CYP2A6: variants seen among roughly 807,000 people sequenced by gnomAD.
CYP2A6 encodes the protein cytochrome P450 family 2 subfamily A member 6, also known as cytochrome P450 2A6.
Under a neutral mutation model 42.3 loss-of-function variants are expected in CYP2A6, and 27 were observed. That is an observed-to-expected ratio of 0.64 (90% CI 0.47 to 0.88). The LOEUF (loss-of-function observed/expected upper bound fraction) is 0.88. Among genes scored for constraint, CYP2A6 ranks in the 40% least tolerant of loss-of-function variants. CYP2A6 has a pLI of 0.00. For synonymous variants in CYP2A6, 238 were observed against 246.3 expected, an observed-to-expected ratio of 0.97 and a Z score of 0.31; for missense variants, 628 against 646.0, an observed-to-expected ratio of 0.97 and a Z score of 0.30.
Position 40,845,994 on chromosome 19 carries a change from T to A in CYP2A6, c.935A>T (p.Tyr312Phe). Residue 312 changes from tyrosine (Y) to phenylalanine (F), a missense_variant, in exon 6 of 9, where the codon TAT becomes TTT. Tyr to Phe is a conservative substitution (Grantham distance 22). Transcript: ENST00000301141. Reference protein sequence around the residue: ...GTETVSTTLRYGFLLLMKHPE... With the variant: ...GTETVSTTLRFGFLLLMKHPE... ...GTGCTTCATGAGCAGCAAGAAGCCA[T>A]AGCGCAGGGTGGTGCTGACGGTCTC... 1 of 1,610,980 alleles carries A rather than the reference T, an allele frequency of 6.2e-7. No homozygotes were observed. The highest frequency in any genetic ancestry group is 1.1e-5 in the South Asian group (1 of 90,828).
At position 40,848,966 on chromosome 19, in the gene CYP2A6, G is replaced by GA. The variant is rs1967155994; in HGVS notation, c.344-204dup. On this transcript the variant is annotated intron_variant, in intron 2 of 8. Coordinates refer to ENST00000301141, the MANE Select transcript of CYP2A6 (RefSeq NM_000762.6). ...AGAGAGAGAGAGAGAGAGAGAGAGA[G>GA]AGAGAGAGAGAAGAGAGAGAGGAGA... 2.1e-4 allele frequency among the ~76,000 whole-genome samples: 28 copies of GA among 130,474 alleles called. 1 individual carries two copies. The highest frequency in any genetic ancestry group is 6.3e-4 in the Admixed American group (8 of 12,780). 85.6% of individuals were successfully genotyped at this position (130,474 alleles called of 152,430 possible).
Position 40,847,036 on chromosome 19 carries a change from A to G in CYP2A6, c.670T>C (p.Ser224Pro), listed in dbSNP as rs28399447. The G allele has an allele frequency of 4.3e-4, 693 of 1,611,718 alleles. 75 individuals are homozygous for G. In the East Asian group the frequency reaches 0.012, roughly 28 times the overall value. The change falls in exon 5 of 9, where the codon TCT becomes CCT. Residue 224 changes from serine (S) to proline (P), a missense_variant. Ser to Pro is a moderately conservative substitution (Grantham distance 74). Transcript: ENST00000301141. ...TSTGQLYEMF[S>P]SVMKHLPGPQ... ...CCTGGCAGGTGTTTCATCACCGAAGAGAACATCTCATAGAGCTGGGGTTGC... is the reference window on the plus strand; with the variant it reads ...CCTGGCAGGTGTTTCATCACCGAAGGGAACATCTCATAGAGCTGGGGTTGC...
In CYP2A6 at chr19:40,849,974, C is replaced by T. The variant is rs1967190679; in HGVS notation, c.187G>A (p.Glu63Lys). 6.2e-7 allele frequency: 1 copy of T among 1,610,638 alleles called. No individual in the cohort carries two copies. Among genetic ancestry groups the T allele is most frequent in the Admixed American group, 1.7e-5 (1 of 59,882 alleles). ...QMYNSLMKIS[E>K]RYGPVFTIHL... The stretch of plus-strand genomic sequence containing the variant: ...ATGGTGAACACGGGGCCATAGCGCT[C>T]ACTGATCTGATGGAGGTGGGTGGGA... Residue 63 changes from glutamate (E) to lysine (K), a missense_variant, in exon 2 of 9, where the codon GAG becomes AAG. By Grantham distance (56) the Glu-to-Lys change is moderately conservative. This residue lies in a region of CYP2A6 where 606 missense variants were observed against 568.1 expected (regional missense o/e 1.07). Coordinates refer to ENST00000301141, the MANE Select transcript of CYP2A6 (RefSeq NM_000762.6).
At chr19:40,848,827 TCCAAGGGGCTCC>T (rs567115644) in intron 2 of CYP2A6, 64 bp from the exon 3 acceptor site, 1 of 1,541,854 alleles carries the variant, frequency 6.5e-7, no homozygotes, top group African/African-American at 1.4e-5. Context: ...GCGGAGCAGC[TCCAAGGGGCTCC>T]CCAAGGGTGG....
rs1252734217 is a variant in CYP2A6 at position 40,848,695 on chromosome 19, A to T, written c.412T>A (p.Phe138Ile). ...TCGATGCCTCGCTTGCCCACCCCGA[A>T]GTCCCGCAGGGTGGCGATGGAGAAG... The part of the protein sequence containing the change: ...RRFSIATLRD[F>I]GVGKRGIEER... Residue 138 changes from phenylalanine to isoleucine, a missense_variant, in exon 3 of 9, where the codon TTC (phenylalanine) becomes ATC (isoleucine). Physicochemically the swap from Phe to Ile is conservative, Grantham distance 21 (BLOSUM62 0). This residue lies in a region of CYP2A6 where 606 missense variants were observed against 568.1 expected (regional missense o/e 1.07). Transcript: ENST00000301141. The T allele has an allele frequency of 6.2e-7, 1 of 1,611,898 alleles. No individual in the cohort carries two copies. Among genetic ancestry groups the T allele is most frequent in the East Asian group, 2.3e-5 (1 of 43,374 alleles).
Position 40,843,724 on chromosome 19 carries a change from CT to C in CYP2A6, c.*71del. 1 of 1,371,830 alleles carries C rather than the reference CT, an allele frequency of 7.3e-7. No individual in the cohort carries two copies. The highest frequency in any genetic ancestry group is 1.3e-5 in the South Asian group (1 of 75,764). 85.0% of individuals were successfully genotyped at this position (1,371,830 alleles called of 1,614,324 possible). A position where few individuals can be genotyped will look rare whatever the true frequency, so the allele number is the denominator to read the frequency against. On this transcript the variant is annotated 3_prime_UTR_variant, in exon 9 of 9. Coordinates refer to ENST00000301141, the MANE Select transcript of CYP2A6 (RefSeq NM_000762.6). ...TGCCCCCAGTCTTAGCTGCGCCCCT[CT>C]CCCAAGCCCGGTCTTGGCCCTGCCC...
intron 4 of CYP2A6, among the ~76,000 whole-genome samples, chr19:40,847,922 C>T (rs1033143570): frequency 7.2e-5 from 11 of 151,824 alleles, no homozygotes; most frequent in South Asian, 2.1e-4. Context: ...TTAGAAATTA[C>T]GGTAAGTTGG....
At position 40,843,670 on chromosome 19, in the gene CYP2A6, GC is replaced by G; in HGVS notation, c.*125del. 8.5e-7 allele frequency: 1 copy of G among 1,180,644 alleles called. No individual in the cohort carries two copies. The highest frequency in any genetic ancestry group is 1.1e-6 in the Non-Finnish European group (1 of 876,984). The allele number at this position is 1,180,644 out of a possible 1,614,324, so 73.1% of individuals were successfully genotyped here. A position where few individuals can be genotyped will look rare whatever the true frequency, so the allele number is the denominator to read the frequency against. On this transcript the variant is annotated 3_prime_UTR_variant, in exon 9 of 9. Transcript: ENST00000301141. The stretch of plus-strand genomic sequence containing the variant: ...GCTTCTGTTTCTTCTCTTCCCTCTA[GC>G]CACCACGCCCCTTCCTTTCCGCCAT...
intron 8 of CYP2A6, 122 bp from the exon 9 acceptor site, chr19:40,844,099 G>A (rs577637465): frequency 1.0e-5 from 15 of 1,453,584 alleles, no homozygotes; most frequent in African/African-American, 1.5e-5. Context: ...GCCTGAGAGA[G>A]TTTCAGAGGA....
chr19:40,843,669 A>G lies in CYP2A6; in HGVS notation c.*127T>C. 1.7e-6 allele frequency: 2 copies of G among 1,186,388 alleles called. No homozygotes were observed. The highest frequency in any genetic ancestry group is 2.3e-6 in the Non-Finnish European group (2 of 881,044). 73.5% of individuals were successfully genotyped at this position (1,186,388 alleles called of 1,614,324 possible). A position where few individuals can be genotyped will look rare whatever the true frequency, so the allele number is the denominator to read the frequency against. ...CGCTTCTGTTTCTTCTCTTCCCTCT[A>G]GCCACCACGCCCCTTCCTTTCCGCC... On this transcript the variant is annotated 3_prime_UTR_variant, in exon 9 of 9. Coordinates refer to ENST00000301141, the MANE Select transcript of CYP2A6 (RefSeq NM_000762.6).
Position 40,850,091 on chromosome 19 carries a change from G to A in CYP2A6, c.181-111C>T, listed in dbSNP as rs1361648998. 7 of 1,538,740 alleles carry A rather than the reference G, an allele frequency of 4.5e-6. 1 individual carries two copies. Among genetic ancestry groups the A allele is most frequent in the Non-Finnish European group, 6.1e-6 (7 of 1,141,974 alleles). ...TTCGCACCCAGGTTCTCACAGTCAG[G>A]GAGCTGGACATCCCAAGATCCTGTC... On this transcript the variant is annotated intron_variant, in intron 1 of 8. Transcript: ENST00000301141.
intron 6 of CYP2A6, 84 bp downstream of exon 6, chr19:40,845,872 C>A (rs2083453666): frequency 2.6e-6 from 4 of 1,555,208 alleles, no homozygotes; most frequent in Non-Finnish European, 3.5e-6. Flanking sequence ...GTCCCGGGAT[C>A]TGGGACAGGT....
rs773644130 is a variant in CYP2A6, at chr19:40,843,781, C to G, written c.*15G>C. The G allele has an allele frequency of 1.3e-6, 2 of 1,596,986 alleles. No individual in the cohort carries two copies. Among genetic ancestry groups the G allele is most frequent in the Non-Finnish European group, 1.7e-6 (2 of 1,175,314 alleles). Reference sequence around the variant, plus strand: ...CTGGCCCCGCCCACCAGACCTGCACCGGCACAGCCCTCGCTCAGCGGGGCA... The same window carrying G: ...CTGGCCCCGCCCACCAGACCTGCACGGGCACAGCCCTCGCTCAGCGGGGCA... On this transcript the variant is annotated 3_prime_UTR_variant, in exon 9 of 9. Coordinates refer to ENST00000301141, the MANE Select transcript of CYP2A6 (RefSeq NM_000762.6).
At chr19:40,847,204 T>C (rs560445731) in intron 4 of CYP2A6, among the ~76,000 whole-genome samples, 153 bp from the exon 5 acceptor site, 1 of 151,668 alleles carries the variant, frequency 6.6e-6, no homozygotes, top group Non-Finnish European at 1.5e-5. Flanking sequence ...TAGGAACTTA[T>C]ATCTAAGTTT....
chr19:40,845,399 C>T lies in CYP2A6; in HGVS notation c.1056G>A (p.Met352Ile), dbSNP rs747696963. The part of the protein sequence containing the change: ...KFEDRAKMPY[M>I]EAVIHEIQRF... ...TTTGGATCTCGTGGATCACTGCCTC[C>T]ATGTAGGGCATCTTGGCCCGGTCCT... Residue 352 changes from methionine (M) to isoleucine (I), a missense_variant, in exon 7 of 9, where the codon ATG becomes ATA. By Grantham distance (10) the Met-to-Ile change is conservative (BLOSUM62 1). Transcript: ENST00000301141. 2 of 1,611,770 alleles carry T rather than the reference C, an allele frequency of 1.2e-6. 1 individual carries two copies. The highest frequency in any genetic ancestry group is 2.2e-5 in the South Asian group (2 of 90,904).
At position 40,846,096 on chromosome 19, in the gene CYP2A6, T is replaced by C. The variant is rs942926002; in HGVS notation, c.833A>G (p.Glu278Gly). 4 of 1,611,246 alleles carry C rather than the reference T, an allele frequency of 2.5e-6. No homozygotes were observed. The African/African-American group carries it at 5.4e-5, about 22-fold the overall frequency. The change falls in exon 6 of 9, where the codon GAG (glutamate) becomes GGG (glycine). Residue 278 changes from glutamate to glycine, a missense_variant and splice_region_variant. Coordinates refer to ENST00000301141, the MANE Select transcript of CYP2A6 (RefSeq NM_000762.6). ...IDSFLIRMQE[E>G]EKNPNTEFYL... ...GAACTCCGTGTTGGGGTTCTTCTCC[T>C]CCTGCAGGGAGAGGGGGCTTTAGGC...
At chr19:40,849,249 GAT>G (rs939835901) in intron 2 of CYP2A6, among the ~76,000 whole-genome samples, 2 of 150,906 alleles carry the variant, frequency 1.3e-5, no homozygotes, top group Admixed American at 1.3e-4. Context: ...GGGGAAGTGA[GAT>G]ATGGGGAGAT....
chr19:40,845,001 C>T, intron 7 of CYP2A6: 1 of 655,836 alleles, frequency 1.5e-6, no homozygotes, highest in Non-Finnish European at 2.5e-6. Context: ...TTTGGGGGAC[C>T]TGAGATTTCT....
chr19:40,848,831 AG>A, intron 2 of CYP2A6, 68 bp from the exon 3 acceptor site: 1 of 1,539,756 alleles, frequency 6.5e-7, no homozygotes, highest in Non-Finnish European at 8.8e-7. Flanking sequence ...AGCAGCTCCA[AG>A]GGGCTCCCCA....
Sources: allele counts gnomAD v4.1 joint callset (sites outside exome capture counted in the v4.1 genomes callset), GRCh38; gene constraint gnomAD v4.1.1; regional missense constraint gnomAD v4.1.1; transcripts MANE v1.5; gene names NCBI Gene and HGNC (gene_info 2026-07-23, HGNC 2026-07-21).